Variants in SPEN observed in about 807,000 individuals in gnomAD.
The protein encoded by SPEN is msx2-interacting protein.
A neutral mutation model predicts 269.9 loss-of-function variants in SPEN; 18 were observed. The ratio of observed to expected loss-of-function variants is 0.07; its 90% CI spans 0.05 to 0.10. The LOEUF (loss-of-function observed/expected upper bound fraction) is 0.10, where lower values mean the gene tolerates loss of function less well. SPEN is among the 10% of genes least tolerant of loss of function. The pLI, the probability that SPEN is intolerant of heterozygous loss-of-function variation, is 1.00. For synonymous variants in SPEN, 1,726 were observed against 1,765.7 expected (o/e 0.98, Z 0.56); for missense variants, 3,822 against 4,631.2 (o/e 0.83, Z 5.07).
Position 15,940,064 on chromosome 1 carries a change from G to A in SPEN, c.*637G>A, listed in dbSNP as rs180850056. The stretch of plus-strand genomic sequence containing the variant: ...GCAAACAGAAAGGTTTTCTCTTGGT[G>A]GGATATGCAGAACTTGGGATGTGTG... On this transcript the variant is annotated 3_prime_UTR_variant, in exon 15 of 15. Transcript: ENST00000375759. 2.9e-4 allele frequency: 66 copies of A among 223,818 alleles called. No homozygotes were observed. The highest frequency in any genetic ancestry group is 3.6e-5 in the Non-Finnish European group (4 of 112,466). 13.9% of individuals were successfully genotyped at this position (223,818 alleles called of 1,614,324 possible). A position where few individuals can be genotyped will look rare whatever the true frequency, so the allele number is the denominator to read the frequency against.
At chr1:15,849,744 C>T (rs938786977) in intron 1 of SPEN, among the ~76,000 whole-genome samples, 2 of 152,110 alleles carry the variant, frequency 1.3e-5, no homozygotes, top group Non-Finnish European at 2.9e-5. Flanking sequence ...TACCCGCCCC[C>T]CACCTCCTGG....
At chr1:15,867,874 C>T (rs534305104) in intron 1 of SPEN, among the ~76,000 whole-genome samples, 19 of 152,290 alleles carry the variant, frequency 1.2e-4, no homozygotes, top group African/African-American at 4.6e-4. Context: ...TGCTCTGCCA[C>T]CCAGGCTGGT....
chr1:15,908,504 C>T (rs890809087), intron 3 of SPEN, among the ~76,000 whole-genome samples: 2 of 152,002 alleles, frequency 1.3e-5, no homozygotes, highest in Non-Finnish European at 2.9e-5. Context: ...CTCACTGCAA[C>T]GTCTGCCTCC....
rs72882570 is a variant in SPEN, at chr1:15,852,613, T to A, written c.83+4463T>A. 7.2e-3 allele frequency among the ~76,000 whole-genome samples: 1,094 copies of A among 152,294 alleles called. 24 individuals carry two copies. Among genetic ancestry groups the A allele is most frequent in the African/African-American group, 0.025 (1,037 of 41,572 alleles). ...CGCTTGTGTGGAGGGCACCTTTTTCTAACTACCTTTGTTGCAGACTCGTGA... is the reference window on the plus strand; with the variant it reads ...CGCTTGTGTGGAGGGCACCTTTTTCAAACTACCTTTGTTGCAGACTCGTGA... On this transcript the variant is annotated intron_variant, in intron 1 of 14. Transcript: ENST00000375759.
chr1:15,874,477 G>T (rs2070612384), intron 2 of SPEN: 3 of 1,079,152 alleles, frequency 2.8e-6, no homozygotes, highest in African/African-American at 3.3e-5. Flanking sequence ...AACTCTAGAA[G>T]TATTTAGTAC....
Position 15,873,035 on chromosome 1 carries a change from T to C in SPEN, c.303T>C (p.Ser101=), listed in dbSNP as rs2070597267. The part of the protein sequence containing the change: ...LDDTVSIASR[S]REVSGFRGGG... ...ATACAGTTTCCATAGCATCTCGTAG[T>C]AGAGAGGTTTCTGGGTTCAGAGGAG... The change falls in exon 2 of 15, where the codon AGT becomes AGC. Residue 101 remains serine, a synonymous_variant. Coordinates refer to ENST00000375759, the MANE Select transcript of SPEN (RefSeq NM_015001.3). The C allele has an allele frequency of 6.2e-7, 1 of 1,614,108 alleles. No homozygotes were observed. The highest frequency in any genetic ancestry group is 8.5e-7 in the Non-Finnish European group (1 of 1,180,024).
Position 15,934,469 on chromosome 1 carries a change from G to A in SPEN, c.8229G>A (p.Ala2743=). The stretch of plus-strand genomic sequence containing the variant: ...CAGCAAGTGCAGTGACCGTCACAGC[G>A]GGTGCGGTTACTGCTGCATCTGGTG... The part of the protein sequence containing the change: ...NATASAVTVT[A]GAVTAASGGV... Residue 2743 remains alanine, a synonymous_variant, in exon 11 of 15, where the codon GCG becomes GCA. Transcript: ENST00000375759. The surrounding 1 kb of genome is among the most constrained non-coding windows in gnomAD (Gnocchi z 9.2). The A allele has an allele frequency of 1.2e-6, 2 of 1,614,070 alleles. No individual in the cohort carries two copies. Among genetic ancestry groups the A allele is most frequent in the African/African-American group, 1.3e-5 (1 of 75,066 alleles).
At chr1:15,860,747 A>G (rs554538037) in intron 1 of SPEN, among the ~76,000 whole-genome samples, 18 of 150,756 alleles carry the variant, frequency 1.2e-4, no homozygotes, top group African/African-American at 3.7e-4. Flanking sequence ...GACTACAGGC[A>G]CATGCCACGA....
At chr1:15,900,307 C>T (rs750404871) in intron 3 of SPEN, among the ~76,000 whole-genome samples, 7 of 152,014 alleles carry the variant, frequency 4.6e-5, no homozygotes, top group Non-Finnish European at 7.4e-5. Context: ...ACCTTCAGGC[C>T]CTAGGTTGAC....
chr1:15,904,452 CAAA>C (rs1215369183), intron 3 of SPEN, among the ~76,000 whole-genome samples: 651 of 48,582 alleles, frequency 0.013, 9 homozygotes, highest in Middle Eastern at 0.13. Context: ...AACTCCATCT[CAAA>C]AAAAAAAAAA....
In SPEN at chr1:15,911,267, C is replaced by T. The variant is rs768005641; in HGVS notation, c.1209C>T (p.Gly403=). The T allele has an allele frequency of 6.2e-7, 1 of 1,614,048 alleles. No individual in the cohort carries two copies. Among genetic ancestry groups the T allele is most frequent in the Non-Finnish European group, 8.5e-7 (1 of 1,179,980 alleles). Residue 403 remains glycine (G), a synonymous_variant, in exon 5 of 15, where the codon GGC becomes GGT. Coordinates refer to ENST00000375759, the MANE Select transcript of SPEN (RefSeq NM_015001.3). ...LTASKGKLFF[G]MQIEVTAWIG... is the part of the protein sequence containing the mutation. ...CATCAAAAGGAAAACTTTTCTTTGG[C>T]ATGCAGATTGAAGTAACAGCATGGA...
At chr1:15,895,642 C>CTA (rs1553177304) in intron 3 of SPEN, among the ~76,000 whole-genome samples, 1 of 150,240 alleles carries the variant, frequency 6.7e-6, no homozygotes, top group Non-Finnish European at 1.5e-5. Context: ...TTAACTACTG[C>CTA]TGTAATTGGA....
intron 3 of SPEN, among the ~76,000 whole-genome samples, chr1:15,907,483 A>G (rs2070971260): frequency 6.6e-6 from 1 of 152,190 alleles, no homozygotes; most frequent in African/African-American, 2.4e-5. Flanking sequence ...CTCAAAAGAA[A>G]AAAAAAGGTC....
Position 15,876,368 on chromosome 1 carries a change from C to T in SPEN, c.571C>T (p.Pro191Ser). ...GLYYASRSRS[P>S]NRFDAHDPRY... ...CTATTACGCTTCTCGGAGTCGAAGT[C>T]CAAATCGCTTTGATGCTCATGACCC... Residue 191 changes from proline (P) to serine (S), a missense_variant, in exon 3 of 15, where the codon CCA (proline) becomes TCA (serine). By Grantham distance (74) the Pro-to-Ser change is moderately conservative. Coordinates refer to ENST00000375759, the MANE Select transcript of SPEN (RefSeq NM_015001.3). 6.2e-7 allele frequency: 1 copy of T among 1,614,032 alleles called. No individual in the cohort carries two copies. Among genetic ancestry groups the T allele is most frequent in the Non-Finnish European group, 8.5e-7 (1 of 1,180,008 alleles).
chr1:15,879,930 A>G lies in SPEN; in HGVS notation c.881+3252A>G, dbSNP rs1212872092. Among the ~76,000 whole-genome samples the G allele has an allele frequency of 3.3e-5, 5 of 152,254 alleles. No individual in the cohort carries two copies. The South Asian group carries it at 8.3e-4, about 25-fold the overall frequency. ...CGCCATCCGCCCGCCTCGACCTCCCAAAGTGCTGGGATTACAGGCGTGAGC... is the reference window on the plus strand; with the variant it reads ...CGCCATCCGCCCGCCTCGACCTCCCGAAGTGCTGGGATTACAGGCGTGAGC... On this transcript the variant is annotated intron_variant, in intron 3 of 14. Coordinates refer to ENST00000375759, the MANE Select transcript of SPEN (RefSeq NM_015001.3).
At chr1:15,900,365 C>G (rs1005095036) in intron 3 of SPEN, among the ~76,000 whole-genome samples, 1 of 152,040 alleles carries the variant, frequency 6.6e-6, no homozygotes, top group Non-Finnish European at 1.5e-5. Context: ...TGAATGGAAT[C>G]GTTTTCATTG....
intron 1 of SPEN, among the ~76,000 whole-genome samples, chr1:15,850,916 A>G (rs2070329639): frequency 6.6e-6 from 1 of 152,198 alleles, no homozygotes; most frequent in Non-Finnish European, 1.5e-5. Context: ...TGATTACATT[A>G]ATAACTGTTT....
At chr1:15,904,473 A>AAAAAAAAAAAAAAAAAAAAAT (rs2070935900) in intron 3 of SPEN, among the ~76,000 whole-genome samples, 1 of 146,128 alleles carries the variant, frequency 6.8e-6, no homozygotes, top group Non-Finnish European at 1.5e-5. Context: ...AAAAAAAAAA[A>AAAAAAAAAAAAAAAAAAAAAT]AAAAGTGAAC....
At position 15,930,451 on chromosome 1, in the gene SPEN, T is replaced by C. The variant is rs770382670; in HGVS notation, c.4211T>C (p.Leu1404Ser). Residue 1404 changes from leucine (L) to serine (S), a missense_variant, in exon 11 of 15, where the codon TTG becomes TCG. Leu to Ser is a moderately radical substitution (Grantham distance 145). Transcript: ENST00000375759. The surrounding 1 kb of genome is among the most constrained non-coding windows in gnomAD (Gnocchi z 5.3). ...TCTGCATTATATGAAAGTTCTCGAT[T>C]GTCTTTTTTATTGAGGGACAGAGAA... ...RASALYESSR[L>S]SFLLRDREDK... 1 of 1,614,070 alleles carries C rather than the reference T, an allele frequency of 6.2e-7. No homozygotes were observed.
Sources: allele counts gnomAD v4.1 joint callset (sites outside exome capture counted in the v4.1 genomes callset), GRCh38; gene constraint gnomAD v4.1.1; non-coding constraint Gnocchi (gnomAD v3.1); transcripts MANE v1.5; gene names NCBI Gene and HGNC (gene_info 2026-07-23, HGNC 2026-07-21).